The following KRT8 variants were observed in gnomAD, a reference collection of about 807,000 sequenced individuals.
KRT8 encodes the protein keratin 8, also known as keratin, type II cytoskeletal 8.
In KRT8, 24 loss-of-function variants were observed where a neutral mutation model predicts 43.0. The ratio of observed to expected loss-of-function variants is 0.56; its 90% CI spans 0.40 to 0.78. The LOEUF (loss-of-function observed/expected upper bound fraction) is 0.78. KRT8 is among the 30% of genes least tolerant of loss of function. The probability of loss-of-function intolerance (pLI) is 0.00; values close to 1 mark genes in which losing one functional copy is unlikely to be tolerated. For synonymous variants in KRT8, 214 were observed against 261.2 expected (o/e 0.82, Z 1.74); for missense variants, 492 against 638.4 (o/e 0.77, Z 2.47).
chr12:52,926,290 A>T, intron 2 of KRT8: 1 of 807,928 alleles, frequency 1.2e-6, no homozygotes, highest in South Asian at 1.6e-5. Flanking sequence ...CAAATTCCTC[A>T]TCTGGTGGCT....
At chr12:52,924,595 AT>A (rs1433051126) in intron 2 of KRT8, among the ~76,000 whole-genome samples, 4 of 152,308 alleles carry the variant, frequency 2.6e-5, no homozygotes, top group African/African-American at 7.2e-5. Flanking sequence ...TCTCAAAAAA[AT>A]AAATAAAAAT....
chr12:52,949,636 C>A, intron 1 of KRT8: 1 of 1,485,442 alleles, frequency 6.7e-7, no homozygotes, highest in Non-Finnish European at 9.4e-7. Context: ...TCTGACCCTC[C>A]AATTATACAC....
chr12:52,935,705 G>A (rs1017015279), intron 2 of KRT8, among the ~76,000 whole-genome samples: 3 of 150,528 alleles, frequency 2.0e-5, no homozygotes, highest in South Asian at 2.1e-4. Context: ...GTACAGTGGT[G>A]TGATCATAGC....
chr12:52,946,353 A>G (rs956566511), intron 2 of KRT8, among the ~76,000 whole-genome samples: 1 of 152,136 alleles, frequency 6.6e-6, no homozygotes, highest in Admixed American at 6.5e-5. Context: ...GCCCTCCTGT[A>G]TATATTGAAG....
chr12:52,920,459 T>G (rs1941859788), intron 2 of KRT8, among the ~76,000 whole-genome samples: 1 of 152,052 alleles, frequency 6.6e-6, no homozygotes, highest in African/African-American at 2.4e-5. Flanking sequence ...TAGCCAGGCA[T>G]GGTGGCACAT....
Position 52,916,179 on chromosome 12 carries a change from G to A in KRT8, c.-46-11152C>T, listed in dbSNP as rs116758726. On this transcript the variant is annotated intron_variant, in intron 2 of 6. Coordinates refer to the KRT8 transcript ENST00000546826. ...GGCTGCAGGAAGGGAGGAGCAGGAT[G>A]ATGAGCTTAAAGCAGTGCTTTAGGA... is the stretch of plus-strand genomic sequence containing the variant. Among the ~76,000 whole-genome samples, 737 of 152,254 alleles carry A rather than the reference G, an allele frequency of 4.8e-3. 6 individuals are homozygous for A. Among genetic ancestry groups the A allele is most frequent in the African/African-American group, 0.017 (716 of 41,526 alleles).
In KRT8 at chr12:52,904,895, G is replaced by A. The variant is rs112876857; in HGVS notation, c.87C>T (p.Pro29=). The change falls in exon 1 of 8, where the codon CCC becomes CCT. Residue 29 remains proline (P), a synonymous_variant. Coordinates refer to ENST00000692008, the Ensembl canonical transcript of KRT8. ...AGCTCGAGGAGCTGATGCGGGAACCGGGCCCACTCGTGTAGGAGCGGCTGC... is the reference window on the plus strand; with the variant it reads ...AGCTCGAGGAGCTGATGCGGGAACCAGGCCCACTCGTGTAGGAGCGGCTGC... The A allele has an allele frequency of 1.4e-4, 222 of 1,612,774 alleles. 1 individual carries two copies. The African/African-American group carries it at 2.2e-3, about 16-fold the overall frequency.
At chr12:52,921,136 G>T (rs1037108036) in intron 2 of KRT8, among the ~76,000 whole-genome samples, 1 of 152,214 alleles carries the variant, frequency 6.6e-6, no homozygotes. Context: ...TCAGGGACCT[G>T]TTAGTCAAGT....
chr12:52,938,187 TA>T, intron 2 of KRT8, among the ~76,000 whole-genome samples: 1 of 64,408 alleles, frequency 1.6e-5, no homozygotes, highest in Non-Finnish European at 3.0e-5. Flanking sequence ...TTTTTTTTTA[TA>T]TATAAGGTCT....
At chr12:52,903,172 T>C (rs911073669) in intron 1 of KRT8, among the ~76,000 whole-genome samples, 1 of 152,206 alleles carries the variant, frequency 6.6e-6, no homozygotes, top group African/African-American at 2.4e-5. Flanking sequence ...TAACATCTTA[T>C]CCTAATGGAA....
intron 2 of KRT8, among the ~76,000 whole-genome samples, chr12:52,918,501 C>T (rs370658745): frequency 6.6e-6 from 1 of 152,194 alleles, no homozygotes; most frequent in Non-Finnish European, 1.5e-5. Context: ...ACAGACGCCG[C>T]GCAGGTGCAG....
At chr12:52,905,970 A>G (rs1941509549), upstream of KRT8, among the ~76,000 whole-genome samples, 1 of 152,126 alleles carries the variant, frequency 6.6e-6, no homozygotes, top group Non-Finnish European at 1.5e-5. Context: ...AATCCCAGCT[A>G]CTCAGGAGGC....
chr12:52,904,779 A>C, exon 1 of KRT8: 1 of 1,612,236 alleles, frequency 6.2e-7, no homozygotes, highest in Non-Finnish European at 8.5e-7. Flanking sequence ...GCTCTGGTTG[A>C]CCGTAACTGC....
At chr12:52,905,114 G>A (rs1030072634), upstream of KRT8, 23 of 1,447,804 alleles carry the variant, frequency 1.6e-5, no homozygotes, top group East Asian at 1.0e-4. Context: ...CGGGGGATGG[G>A]GGGGAAAGGC....
chr12:52,908,902 A>G (rs1941577073), upstream of KRT8, among the ~76,000 whole-genome samples: 1 of 152,206 alleles, frequency 6.6e-6, no homozygotes, highest in African/African-American at 2.4e-5. Flanking sequence ...GCTGCCCTGG[A>G]GGCTGAGTTG....
intron 2 of KRT8, among the ~76,000 whole-genome samples, chr12:52,917,203 A>G (rs1448914542): frequency 6.6e-5 from 10 of 151,954 alleles, no homozygotes; most frequent in Admixed American, 6.6e-4. Flanking sequence ...CAGCCTGACC[A>G]ACATGGTGAA....
upstream of KRT8, among the ~76,000 whole-genome samples, chr12:52,909,861 G>A (rs867967021): frequency 2.2e-4 from 34 of 152,342 alleles, no homozygotes; most frequent in Middle Eastern, 0.01. Context: ...GAACAAGAGT[G>A]AGGGAGGACA....
intron 1 of KRT8, 151 bp downstream of exon 1, chr12:52,904,507 A>C: frequency 3.9e-5 from 28 of 723,986 alleles, no homozygotes; most frequent in East Asian, 5.2e-5. Context: ...GGTGCACGGG[A>C]GGGGTGAGTC....
chr12:52,922,383 T>C (rs1205706527), intron 2 of KRT8, among the ~76,000 whole-genome samples: 5 of 151,938 alleles, frequency 3.3e-5, no homozygotes. Flanking sequence ...CAATTAAATC[T>C]ATGAGGAGGC....
Sources: gnomAD v4.1 joint callset for allele counts (sites outside exome capture counted in the v4.1 genomes callset) on GRCh38, gnomAD v4.1.1 for gene constraint, MANE v1.5 for transcripts, NCBI Gene and HGNC (gene_info 2026-07-23, HGNC 2026-07-21) for gene names.